The following DGKI variants were observed in gnomAD, a reference collection of about 807,000 sequenced individuals.
The protein encoded by DGKI is diacylglycerol kinase iota.
DGKI carries 55 observed loss-of-function variants against 147.5 expected under a neutral mutation model. That is an observed-to-expected ratio of 0.37 (90% CI 0.30 to 0.47). DGKI has a LOEUF of 0.47. Among genes scored for constraint, DGKI ranks in the 20% least tolerant of loss-of-function variants. The pLI is 1.00. For synonymous variants in DGKI, 469 were observed against 477.1 expected (o/e 0.98, Z 0.22); for missense variants, 1,007 against 1,323.8 (o/e 0.76, Z 3.71).
intron 10 of DGKI, among the ~76,000 whole-genome samples, chr7:137,601,086 A>C: frequency 6.6e-6 from 1 of 151,538 alleles, no homozygotes; most frequent in Non-Finnish European, 1.5e-5. Flanking sequence ...CCTGGCGAAC[A>C]CAGTGAAACC....
intron 19 of DGKI, among the ~76,000 whole-genome samples, chr7:137,568,819 C>T (rs1173929304): frequency 1.3e-5 from 2 of 151,840 alleles, no homozygotes; most frequent in African/African-American, 4.8e-5. Flanking sequence ...ACTAATTACC[C>T]AGTTTCAGTA....
intron 28 of DGKI, among the ~76,000 whole-genome samples, chr7:137,424,892 G>C (rs530646064): frequency 1.4e-4 from 22 of 152,346 alleles, no homozygotes; most frequent in East Asian, 9.6e-4. Context: ...CAGGAAGCTC[G>C]AACTGGGTGG....
intron 21 of DGKI, among the ~76,000 whole-genome samples, chr7:137,516,892 A>T (rs1322737690): frequency 6.6e-6 from 1 of 152,054 alleles, no homozygotes; most frequent in Non-Finnish European, 1.5e-5. Context: ...AGTGGGTTAG[A>T]CTTAGTGACT....
At chr7:137,634,371 A>G (rs1218900507) in intron 6 of DGKI, among the ~76,000 whole-genome samples, 1 of 152,238 alleles carries the variant, frequency 6.6e-6, no homozygotes, top group African/African-American at 2.4e-5. Context: ...ACAAGCACCA[A>G]TAGGAAAATC....
rs372390366 is a variant in DGKI, at chr7:137,523,434, TTCTCTCTC to T, written c.2148-1476_2148-1469del. Among the ~76,000 whole-genome samples, 357 of 150,182 alleles carry T rather than the reference TTCTCTCTC, an allele frequency of 2.4e-3. 3 individuals carry two copies. The highest frequency in any genetic ancestry group is 8.3e-3 in the African/African-American group (339 of 41,064). ...CACACATGGTGCATTCTCTCTCTCTTTCTCTCTCTCTCTCTCTCACACACACACAGACA... is the reference window on the plus strand; with the variant it reads ...CACACATGGTGCATTCTCTCTCTCTTTCTCTCTCTCACACACACACAGACA... On this transcript the variant is annotated intron_variant, in intron 20 of 32. Coordinates refer to ENST00000614521, the MANE Select transcript of DGKI (RefSeq NM_001321708.2).
chr7:137,636,139 C>T (rs1219352706), intron 6 of DGKI, among the ~76,000 whole-genome samples: 1 of 152,126 alleles, frequency 6.6e-6, no homozygotes, highest in Admixed American at 6.5e-5. Flanking sequence ...CTGGGACAGG[C>T]TTTGTAATGC....
chr7:137,677,278 G>T (rs1406840050), intron 3 of DGKI, among the ~76,000 whole-genome samples: 2 of 152,098 alleles, frequency 1.3e-5, no homozygotes, highest in Non-Finnish European at 2.9e-5. Flanking sequence ...TAATAAAAAA[G>T]AATTTAATCC....
In DGKI at chr7:137,384,032, A is replaced by T. The variant is rs1811119340; in HGVS notation, c.*7188T>A. ...ACCTCTATGTATATGACTATGTATT[A>T]TCATAACACTTAGCTTGCATACCCA... is the stretch of plus-strand genomic sequence containing the variant. On this transcript the variant is annotated 3_prime_UTR_variant, in exon 33 of 33. Coordinates refer to ENST00000614521, the MANE Select transcript of DGKI (RefSeq NM_001321708.2). The T allele has an allele frequency of 6.6e-6, 1 of 152,064 alleles. No individual in the cohort carries two copies. The highest frequency in any genetic ancestry group is 2.1e-4 in the South Asian group (1 of 4,832). 9.4% of individuals were successfully genotyped at this position (152,064 alleles called of 1,614,324 possible). A position where few individuals can be genotyped will look rare whatever the true frequency, so the allele number is the denominator to read the frequency against.
chr7:137,691,811 T>TTGTTTTTTGTTTTTTTG (rs1563152858), intron 1 of DGKI, among the ~76,000 whole-genome samples: 2,432 of 145,830 alleles, frequency 0.017, 82 homozygotes, highest in African/African-American at 0.059. Flanking sequence ...TTTTTTTTTT[T>TTGTTTTTTGTTTTTTTG]TTTTTTTTTT....
At chr7:137,417,143 GCT>G (rs1038306643) in intron 28 of DGKI, among the ~76,000 whole-genome samples, 1 of 152,136 alleles carries the variant, frequency 6.6e-6, no homozygotes, top group African/African-American at 2.4e-5. Flanking sequence ...AGTTTCTTAA[GCT>G]CTGAGCTTGT....
At chr7:137,538,141 T>A (rs911495050) in intron 20 of DGKI, among the ~76,000 whole-genome samples, 2 of 152,218 alleles carry the variant, frequency 1.3e-5, no homozygotes, top group African/African-American at 4.8e-5. Context: ...GCCAGAGGCA[T>A]GCAAACATTT....
chr7:137,484,113 A>G (rs1336988204), intron 23 of DGKI, among the ~76,000 whole-genome samples: 1 of 152,076 alleles, frequency 6.6e-6, no homozygotes, highest in African/African-American at 2.4e-5. Context: ...GATGGAAGAA[A>G]GAACTCTGGA....
chr7:137,457,405 C>A (rs1279090588), intron 27 of DGKI, among the ~76,000 whole-genome samples: 3 of 152,168 alleles, frequency 2.0e-5, no homozygotes, highest in African/African-American at 7.2e-5. Flanking sequence ...GAAACTTTCA[C>A]AATAAGCACA....
At chr7:137,835,211 G>A (rs1798336016) in intron 1 of DGKI, among the ~76,000 whole-genome samples, 1 of 152,148 alleles carries the variant, frequency 6.6e-6, no homozygotes, top group South Asian at 2.1e-4. Flanking sequence ...GTCAAATACA[G>A]CCTCAAAACG....
In DGKI at chr7:137,846,425, G is replaced by C. The variant is rs1360371800; in HGVS notation, c.401+37C>G. On this transcript the variant is annotated intron_variant, in intron 1 of 32. Transcript: ENST00000614521. The surrounding 1 kb of genome is among the most constrained non-coding windows in gnomAD (Gnocchi z 4.0). ...GGTAGAAGAGTGGGTCTCCCGCCGC[G>C]GCGCACCTGTCTCGGCTGCCGGCTC... 4 of 1,508,984 alleles carry C rather than the reference G, an allele frequency of 2.7e-6. No homozygotes were observed. The highest frequency in any genetic ancestry group is 3.6e-6 in the Non-Finnish European group (4 of 1,108,952). 93.5% of individuals were successfully genotyped at this position (1,508,984 alleles called of 1,614,324 possible).
intron 27 of DGKI, among the ~76,000 whole-genome samples, chr7:137,458,251 C>T (rs563852437): frequency 1.2e-4 from 19 of 152,146 alleles, no homozygotes; most frequent in Non-Finnish European, 2.4e-4. Context: ...TCCTTGAAGA[C>T]AGAAATCCTC....
chr7:137,717,353 T>C (rs1794410400), intron 1 of DGKI, among the ~76,000 whole-genome samples: 1 of 152,182 alleles, frequency 6.6e-6, no homozygotes, highest in Non-Finnish European at 1.5e-5. Context: ...CTTTGTGACT[T>C]ACAAGAAATT....
intron 1 of DGKI, among the ~76,000 whole-genome samples, chr7:137,738,935 G>T (rs940181882): frequency 2.6e-5 from 4 of 152,078 alleles, no homozygotes; most frequent in Non-Finnish European, 4.4e-5. Context: ...AGGTCTCGTT[G>T]ATTTGTGCCA....
intron 3 of DGKI, among the ~76,000 whole-genome samples, chr7:137,659,990 T>G (rs1305725730): frequency 1.3e-5 from 2 of 152,230 alleles, no homozygotes; most frequent in Admixed American, 6.5e-5. Context: ...ACAGTTGTTA[T>G]AGAACCTAGC....
Sources: allele counts gnomAD v4.1 joint callset (sites outside exome capture counted in the v4.1 genomes callset), GRCh38; gene constraint gnomAD v4.1.1; non-coding constraint Gnocchi (gnomAD v3.1); transcripts MANE v1.5; gene names NCBI Gene and HGNC (gene_info 2026-07-23, HGNC 2026-07-21).